The following SMURF2 variants were observed in gnomAD, a reference collection of about 807,000 sequenced individuals.
SMURF2 encodes the protein E3 ubiquitin-protein ligase SMURF2.
Under a neutral mutation model 109.6 loss-of-function variants are expected in SMURF2, and 48 were observed. The ratio of observed to expected loss-of-function variants is 0.44; its 90% confidence interval spans 0.35 to 0.56. SMURF2 has a LOEUF of 0.56. SMURF2 is among the 20% of genes least tolerant of loss of function. SMURF2 has a pLI of 0.01. For synonymous variants in SMURF2, 288 were observed against 317.1 expected (o/e 0.91, Z 0.97); for missense variants, 575 against 909.0 (o/e 0.63, Z 4.72).
chr17:64,632,219 A>G (rs1274920470), intron 1 of SMURF2, among the ~76,000 whole-genome samples: 2 of 152,118 alleles, frequency 1.3e-5, no homozygotes, highest in South Asian at 2.1e-4. Context: ...TCGACCTCCC[A>G]AAGTGCTGGG....
intron 18 of SMURF2, 104 bp downstream of exon 18, chr17:64,546,159 A>T: frequency 8.9e-7 from 1 of 1,127,146 alleles, no homozygotes; most frequent in Non-Finnish European, 1.3e-6. Flanking sequence ...TTCCCTTTAA[A>T]GGCCCATTTA....
At chr17:64,566,561 G>GTTTGTTTGTTTT (rs1969305868) in intron 10 of SMURF2, among the ~76,000 whole-genome samples, 33 of 43,802 alleles carry the variant, frequency 7.5e-4, no homozygotes, top group African/African-American at 2.3e-3. Context: ...AAGCTTTCTG[G>GTTTGTTTGTTTT]TTTTTTTTTT....
intron 1 of SMURF2, among the ~76,000 whole-genome samples, chr17:64,629,358 G>C (rs1313381195): frequency 6.6e-5 from 10 of 152,042 alleles, no homozygotes; most frequent in African/African-American, 2.4e-4. Context: ...TTTTTAATTA[G>C]CCAGGCATGG....
intron 1 of SMURF2, among the ~76,000 whole-genome samples, chr17:64,606,905 T>G (rs577171402): frequency 6.6e-6 from 1 of 152,058 alleles, no homozygotes; most frequent in Non-Finnish European, 1.5e-5. Context: ...AATTCCTATC[T>G]TCCATCAAGA....
At chr17:64,598,597 GT>G in intron 2 of SMURF2, 107 bp from the exon 3 acceptor site, 1 of 917,510 alleles carries the variant, frequency 1.1e-6, no homozygotes, top group South Asian at 2.8e-5. Context: ...TTTTAAAAAA[GT>G]TTAACATTTA....
chr17:64,563,152 G>C, intron 10 of SMURF2, 186 bp from the exon 11 acceptor site: 3 of 512,334 alleles, frequency 5.9e-6, no homozygotes, highest in Non-Finnish European at 1.0e-5. Flanking sequence ...ATTTCTCATA[G>C]TCCACATAAA....
At chr17:64,627,582 T>C (rs1568201336) in intron 1 of SMURF2, among the ~76,000 whole-genome samples, 1 of 152,304 alleles carries the variant, frequency 6.6e-6, no homozygotes, top group East Asian at 1.9e-4. Flanking sequence ...TCTCCCCTAA[T>C]ATCCACATCC....
chr17:64,595,013 CG>C (rs1477328711), intron 3 of SMURF2, among the ~76,000 whole-genome samples: 1 of 151,914 alleles, frequency 6.6e-6, no homozygotes, highest in East Asian at 1.9e-4. Context: ...AAAAAAGTTA[CG>C]TTAAACCAGT....
chr17:64,641,267 C>G (rs1428365969), intron 1 of SMURF2, among the ~76,000 whole-genome samples: 4 of 151,866 alleles, frequency 2.6e-5, no homozygotes, highest in Non-Finnish European at 4.4e-5. Context: ...CCTGGAAATT[C>G]AAAGGTAGAA....
At chr17:64,591,038 G>T in intron 5 of SMURF2, 46 bp downstream of exon 5, 1 of 1,407,716 alleles carries the variant, frequency 7.1e-7, no homozygotes, top group Non-Finnish European at 1.0e-6. Flanking sequence ...TACACTTTAG[G>T]TCAGTTTGAA....
intron 1 of SMURF2, among the ~76,000 whole-genome samples, chr17:64,633,328 A>C (rs1970373814): frequency 6.6e-6 from 1 of 152,226 alleles, no homozygotes; most frequent in Non-Finnish European, 1.5e-5. Context: ...ATATCCAGGT[A>C]CTGGGAGTCA....
chr17:64,650,861 T>C (rs1052496050), intron 1 of SMURF2, among the ~76,000 whole-genome samples: 4 of 151,564 alleles, frequency 2.6e-5, no homozygotes, highest in African/African-American at 9.7e-5. Context: ...AAATGAGATC[T>C]ACATTATGGA....
intron 13 of SMURF2, among the ~76,000 whole-genome samples, chr17:64,556,227 T>C (rs1568172619): frequency 6.6e-6 from 1 of 152,136 alleles, no homozygotes; most frequent in Non-Finnish European, 1.5e-5. Flanking sequence ...CCAGTCATTT[T>C]GTAAATTTTA....
At chr17:64,551,483 TAGAA>T (rs1420956960) in intron 16 of SMURF2, 97 bp downstream of exon 16, 11 of 1,313,068 alleles carry the variant, frequency 8.4e-6, no homozygotes, top group African/African-American at 7.3e-5. Context: ...CCATGAAACT[TAGAA>T]AGCACCAGAA....
intron 13 of SMURF2, 125 bp from the exon 14 acceptor site, chr17:64,556,123 T>G (rs1280988674): frequency 3.1e-6 from 2 of 653,784 alleles, no homozygotes; most frequent in Non-Finnish European, 5.1e-6. Flanking sequence ...TTCAATAGAG[T>G]CAGGAGGGAG....
At chr17:64,608,632 A>C (rs1380423098) in intron 1 of SMURF2, among the ~76,000 whole-genome samples, 1 of 152,180 alleles carries the variant, frequency 6.6e-6, no homozygotes, top group Non-Finnish European at 1.5e-5. Context: ...CCACTATCCT[A>C]TGATTCATGA....
In SMURF2 at chr17:64,661,804, A is replaced by G. The variant is rs1970781443; in HGVS notation, c.52+25T>C. Reference sequence around the variant, plus strand: ...CAGCTCGCCCACCCCGCGGCTGCCCAGCCCGGCCCGCCGCCCCCCCTCACC... The same window carrying G: ...CAGCTCGCCCACCCCGCGGCTGCCCGGCCCGGCCCGCCGCCCCCCCTCACC... On this transcript the variant is annotated intron_variant, in intron 1 of 18. Transcript: ENST00000262435. The G allele has an allele frequency of 5.0e-6, 6 of 1,211,976 alleles. No homozygotes were observed. In the African/African-American group the frequency reaches 9.5e-5, roughly 19 times the overall value. 75.1% of individuals were successfully genotyped at this position (1,211,976 alleles called of 1,614,324 possible).
intron 10 of SMURF2, 130 bp from the exon 11 acceptor site, chr17:64,563,096 A>G (rs1051204836): frequency 6.6e-6 from 5 of 761,018 alleles, no homozygotes; most frequent in African/African-American, 5.2e-5. Context: ...TAGAACATAT[A>G]CTTGGCTTGA....
chr17:64,614,693 C>T (rs1338546456), intron 1 of SMURF2, among the ~76,000 whole-genome samples: 2 of 152,306 alleles, frequency 1.3e-5, no homozygotes, highest in Middle Eastern at 3.4e-3. Context: ...GTGTGATCAT[C>T]TTGAGATACT....
Sources: allele counts gnomAD v4.1 joint callset (sites outside exome capture counted in the v4.1 genomes callset), GRCh38; gene constraint gnomAD v4.1.1; transcripts MANE v1.5; gene names NCBI Gene and HGNC (gene_info 2026-07-23, HGNC 2026-07-21).